The following ADAMTS12 variants were observed in gnomAD, a reference collection of about 807,000 sequenced individuals.
ADAMTS12 encodes ADAM metallopeptidase with thrombospondin type 1 motif 12, also known as A disintegrin and metalloproteinase with thrombospondin motifs 12.
Under a neutral mutation model 167.8 loss-of-function variants are expected in ADAMTS12, and 118 were observed. The observed-to-expected ratio is 0.70, with a 90% CI of 0.61 to 0.82. The LOEUF (loss-of-function observed/expected upper bound fraction) is 0.82. Ranked by LOEUF, ADAMTS12 falls within the 40% of genes least tolerant of loss-of-function variation. The probability of loss-of-function intolerance (pLI) is 0.00; values close to 1 mark genes in which losing one functional copy is unlikely to be tolerated. For synonymous variants in ADAMTS12, 704 were observed against 716.9 expected (o/e 0.98, Z 0.29); for missense variants, 1,916 against 1,998.8 (o/e 0.96, Z 0.79).
At chr5:33,795,059 T>A (rs549217495) in intron 2 of ADAMTS12, among the ~76,000 whole-genome samples, 2 of 152,320 alleles carry the variant, frequency 1.3e-5, no homozygotes, top group East Asian at 3.9e-4. Context: ...AGAACAGACT[T>A]ACGTGTACAG....
At chr5:33,642,444 C>T (rs1561189955) in intron 10 of ADAMTS12, among the ~76,000 whole-genome samples, 2 of 152,116 alleles carry the variant, frequency 1.3e-5, no homozygotes, top group African/African-American at 2.4e-5. Context: ...GAGAACTCAT[C>T]CGCTGCAAAA....
intron 2 of ADAMTS12, among the ~76,000 whole-genome samples, chr5:33,785,984 T>C (rs954542554): frequency 6.6e-6 from 1 of 152,172 alleles, no homozygotes; most frequent in Admixed American, 6.5e-5. Flanking sequence ...TATTCATCAA[T>C]GAAAAGGAAC....
intron 16 of ADAMTS12, among the ~76,000 whole-genome samples, chr5:33,609,368 C>CTT (rs66470839): frequency 1.4e-5 from 2 of 141,368 alleles, no homozygotes; most frequent in African/African-American, 2.6e-5. Flanking sequence ...AAAAATTTAA[C>CTT]TTTTTTTTTT....
chr5:33,783,428 T>C (rs1746213621), intron 2 of ADAMTS12, among the ~76,000 whole-genome samples: 2 of 151,122 alleles, frequency 1.3e-5, no homozygotes, highest in South Asian at 4.2e-4. Flanking sequence ...TAGAAAAAAG[T>C]CAACAAAAAA....
chr5:33,530,938 T>A (rs1462445863), intron 23 of ADAMTS12, among the ~76,000 whole-genome samples: 4 of 152,126 alleles, frequency 2.6e-5, no homozygotes, highest in Non-Finnish European at 4.4e-5. Flanking sequence ...GGAAATAAGA[T>A]CTTGGCAGAT....
chr5:33,566,413 A>G (rs533782986), intron 19 of ADAMTS12, among the ~76,000 whole-genome samples: 1 of 152,276 alleles, frequency 6.6e-6, no homozygotes, highest in Admixed American at 6.5e-5. Context: ...GTGATGAGCT[A>G]TCATCAAACC....
intron 2 of ADAMTS12, among the ~76,000 whole-genome samples, chr5:33,837,214 G>C (rs564658704): frequency 1.8e-4 from 28 of 152,314 alleles, no homozygotes; most frequent in South Asian, 8.3e-4. Context: ...GTAGGGGAGT[G>C]GACAGACAGG....
At chr5:33,791,307 T>C (rs1441698835) in intron 2 of ADAMTS12, among the ~76,000 whole-genome samples, 1 of 152,182 alleles carries the variant, frequency 6.6e-6, no homozygotes, top group Non-Finnish European at 1.5e-5. Context: ...GACCCTGATA[T>C]TAATATGCTC....
chr5:33,747,210 G>A (rs994318736), intron 3 of ADAMTS12, among the ~76,000 whole-genome samples: 1 of 152,110 alleles, frequency 6.6e-6, no homozygotes, highest in Non-Finnish European at 1.5e-5. Context: ...AACAAAGTAA[G>A]TAAAGTAAGC....
intron 3 of ADAMTS12, among the ~76,000 whole-genome samples, chr5:33,723,962 G>A (rs1743889779): frequency 6.6e-6 from 1 of 152,156 alleles, no homozygotes. Flanking sequence ...ATCTTTACTG[G>A]GCAAAGCTCC....
chr5:33,771,674 T>C (rs896652668), intron 2 of ADAMTS12, among the ~76,000 whole-genome samples: 3 of 152,124 alleles, frequency 2.0e-5, no homozygotes, highest in African/African-American at 7.2e-5. Flanking sequence ...CTCATGTCAC[T>C]GAATTATACA....
rs554512332 is a variant in ADAMTS12 at position 33,796,814 on chromosome 5, A to G, written c.490-45266T>C. Among the ~76,000 whole-genome samples, 3 of 152,336 alleles carry G rather than the reference A, an allele frequency of 2.0e-5. No homozygotes were observed. The South Asian group carries it at 6.2e-4, about 32-fold the overall frequency. Reference sequence around the variant, plus strand: ...AAGGAGCAACTTCAAAAGCCTCCCCAAAGCCAAACTTCACCCTCATCATCA... The same window carrying G: ...AAGGAGCAACTTCAAAAGCCTCCCCGAAGCCAAACTTCACCCTCATCATCA... On this transcript the variant is annotated intron_variant, in intron 2 of 23. Coordinates refer to ENST00000504830, the MANE Select transcript of ADAMTS12 (RefSeq NM_030955.4).
At chr5:33,661,628 T>C (rs1273858618) in intron 6 of ADAMTS12, among the ~76,000 whole-genome samples, 2 of 152,206 alleles carry the variant, frequency 1.3e-5, no homozygotes, top group Admixed American at 1.3e-4. Flanking sequence ...TAGAGCTACA[T>C]GAAGAAACCA....
intron 3 of ADAMTS12, among the ~76,000 whole-genome samples, chr5:33,714,677 G>A (rs1014045183): frequency 6.6e-6 from 1 of 152,046 alleles, no homozygotes; most frequent in Non-Finnish European, 1.5e-5. Flanking sequence ...AGGTCATTAT[G>A]TTAAGTGAAA....
Position 33,576,293 on chromosome 5 carries a change from C to G in ADAMTS12, c.3733G>C (p.Ala1245Pro), listed in dbSNP as rs1267252726. Residue 1245 changes from alanine to proline, a missense_variant, in exon 19 of 24, where the codon GCC becomes CCC. Physicochemically the swap from Ala to Pro is conservative, Grantham distance 27. Coordinates refer to ENST00000504830, the MANE Select transcript of ADAMTS12 (RefSeq NM_030955.4). Reference protein sequence around the residue: ...RVEGMVTEKPANTLLPLGGDH... With the variant: ...RVEGMVTEKPPNTLLPLGGDH... ...CCTCCCAGAGGGAGCAGAGTGTTGG[C>G]TGGCTTTTCAGTAACCATCCCCTCA... The G allele has an allele frequency of 1.2e-6, 2 of 1,614,170 alleles. No homozygotes were observed. Among genetic ancestry groups the G allele is most frequent in the Non-Finnish European group, 1.7e-6 (2 of 1,180,026 alleles).
At position 33,559,992 on chromosome 5, in the gene ADAMTS12, G is replaced by A. The variant is rs138301078; in HGVS notation, c.4125+1035C>T. The stretch of plus-strand genomic sequence containing the variant: ...TTTCATTTTGGGTCTGGAAGATTAA[G>A]CCATATATTCGCTTTGTAAAGCACA... On this transcript the variant is annotated intron_variant, in intron 20 of 23. Transcript: ENST00000504830. 2.1e-3 allele frequency among the ~76,000 whole-genome samples: 327 copies of A among 152,288 alleles called. 1 individual carries two copies. The highest frequency in any genetic ancestry group is 7.6e-3 in the African/African-American group (314 of 41,560).
chr5:33,765,872 C>T (rs1745512417), intron 2 of ADAMTS12, among the ~76,000 whole-genome samples: 1 of 152,158 alleles, frequency 6.6e-6, no homozygotes, highest in African/African-American at 2.4e-5. Flanking sequence ...TACTTTGAAT[C>T]TCTTTCAGAT....
At chr5:33,867,669 TA>T (rs1444084424) in intron 2 of ADAMTS12, among the ~76,000 whole-genome samples, 5 of 152,202 alleles carry the variant, frequency 3.3e-5, no homozygotes, top group African/African-American at 1.2e-4. Flanking sequence ...AAAAAGTTTT[TA>T]AACAAAAATT....
chr5:33,627,689 A>C (rs1739727837), intron 13 of ADAMTS12, among the ~76,000 whole-genome samples: 1 of 152,194 alleles, frequency 6.6e-6, no homozygotes, highest in Non-Finnish European at 1.5e-5. Context: ...ATTTTAATTT[A>C]GAAATGTTAA....
Sources: gnomAD v4.1 joint callset for allele counts (sites outside exome capture counted in the v4.1 genomes callset) on GRCh38, gnomAD v4.1.1 for gene constraint, MANE v1.5 for transcripts, NCBI Gene and HGNC (gene_info 2026-07-23, HGNC 2026-07-21) for gene names.